ARHGAP44: variants seen among roughly 807,000 people sequenced by gnomAD.
The protein encoded by ARHGAP44 is rho GTPase-activating protein 44.
In ARHGAP44, 43 loss-of-function variants were observed where a neutral mutation model predicts 106.8. The ratio of observed to expected loss-of-function variants is 0.40; its 90% CI spans 0.32 to 0.52. The LOEUF (loss-of-function observed/expected upper bound fraction) is 0.52, where lower values mean the gene tolerates loss of function less well. Among genes scored for constraint, ARHGAP44 ranks in the 20% least tolerant of loss-of-function variants. The pLI, the probability that ARHGAP44 is intolerant of heterozygous loss-of-function variation, is 0.48. For missense variants in ARHGAP44, 866 were observed against 1,050.5 expected (o/e 0.82, Z 2.43); for synonymous variants, 439 against 410.3 (o/e 1.07, Z -0.85).
Position 12,949,583 on chromosome 17 carries a change from C to T in ARHGAP44, c.974-66C>T. 1 of 1,478,866 alleles carries T rather than the reference C, an allele frequency of 6.8e-7. No homozygotes were observed. The highest frequency in any genetic ancestry group is 2.3e-5 in the East Asian group (1 of 44,252). The allele number at this position is 1,478,866 out of a possible 1,614,324, so 91.6% of individuals were successfully genotyped here. A position where few individuals can be genotyped will look rare whatever the true frequency, so the allele number is the denominator to read the frequency against. On this transcript the variant is annotated intron_variant, in intron 11 of 20. Transcript: ENST00000379672. The surrounding 1 kb of genome is among the most constrained non-coding windows in gnomAD (Gnocchi z 4.1). Reference sequence around the variant, plus strand: ...CCAGATGGAACCCACATAGGCAGTGCTGGCTGGTGGGTCTTGCCTCTGCCA... The same window carrying T: ...CCAGATGGAACCCACATAGGCAGTGTTGGCTGGTGGGTCTTGCCTCTGCCA...
intron 1 of ARHGAP44, among the ~76,000 whole-genome samples, chr17:12,829,551 T>C (rs1225533693): frequency 2.0e-5 from 3 of 152,186 alleles, no homozygotes; most frequent in African/African-American, 7.2e-5. Context: ...CAATTGTACA[T>C]AGAACCCAGC....
At chr17:12,942,426 G>A (rs568985924) in intron 8 of ARHGAP44, among the ~76,000 whole-genome samples, 2 of 152,300 alleles carry the variant, frequency 1.3e-5, no homozygotes, top group African/African-American at 4.8e-5. Context: ...GATTATAGGC[G>A]TGAGCCACCG....
chr17:12,909,100 T>C (rs2037646597), intron 4 of ARHGAP44, 127 bp downstream of exon 4: 2 of 773,850 alleles, frequency 2.6e-6, no homozygotes, highest in South Asian at 2.0e-5. Flanking sequence ...AAAAGGAAAA[T>C]GTTACCAGTA....
At position 12,955,852 on chromosome 17, in the gene ARHGAP44, C is replaced by G. The variant is rs1204761011; in HGVS notation, c.1137-15C>G. 2 of 1,574,316 alleles carry G rather than the reference C, an allele frequency of 1.3e-6. No individual in the cohort carries two copies. Among genetic ancestry groups the G allele is most frequent in the Admixed American group, 1.7e-5 (1 of 58,576 alleles). ...TGAGCCTTGGTTAAACCTGGCCCTT[C>G]TAATTTTCTTTTAGATACTTGATAA... is the stretch of plus-strand genomic sequence containing the variant. On this transcript the variant is annotated splice_polypyrimidine_tract_variant and intron_variant, in intron 13 of 20. Transcript: ENST00000379672.
At chr17:12,987,216 C>G in intron 20 of ARHGAP44, 3 of 1,402,076 alleles carry the variant, frequency 2.1e-6, no homozygotes, top group Non-Finnish European at 2.9e-6. Flanking sequence ...CCCGCTCCTC[C>G]CCTCCGCTCC....
In ARHGAP44 at chr17:12,973,095, G is replaced by A; in HGVS notation, c.1524-207G>A. 7.1e-6 allele frequency: 4 copies of A among 562,920 alleles called. No individual in the cohort carries two copies. The Admixed American group carries it at 1.3e-4, about 18-fold the overall frequency. 34.9% of individuals were successfully genotyped at this position (562,920 alleles called of 1,614,324 possible). A position where few individuals can be genotyped will look rare whatever the true frequency, so the allele number is the denominator to read the frequency against. On this transcript the variant is annotated intron_variant, in intron 16 of 20. Coordinates refer to ENST00000379672, the MANE Select transcript of ARHGAP44 (RefSeq NM_014859.6). ...CTTCAGCTGCTCTCTTTACCTGTGT[G>A]CATGGTAGGGTATGACTTACACTTA... is the stretch of plus-strand genomic sequence containing the variant.
intron 16 of ARHGAP44, among the ~76,000 whole-genome samples, chr17:12,962,455 T>C (rs947327067): frequency 4.6e-5 from 7 of 152,212 alleles, no homozygotes; most frequent in Non-Finnish European, 1.0e-4. Flanking sequence ...TATTTCCTTA[T>C]TTTGGAAAAA....
In ARHGAP44 at chr17:12,901,440, C is replaced by T. The variant is rs556398831; in HGVS notation, c.198+4929C>T. ...TGTTCAAAATTGTATGAATAAAGGA[C>T]TCATGGGTGGGGCCATGGTAGAAGT... On this transcript the variant is annotated intron_variant, in intron 3 of 20. Transcript: ENST00000379672. 2.8e-4 allele frequency among the ~76,000 whole-genome samples: 43 copies of T among 152,158 alleles called. 1 individual carries two copies. The highest frequency in any genetic ancestry group is 1.0e-3 in the African/African-American group (43 of 41,510).
At chr17:12,845,186 A>G (rs2035527239) in intron 1 of ARHGAP44, among the ~76,000 whole-genome samples, 1 of 150,216 alleles carries the variant, frequency 6.7e-6, no homozygotes, top group South Asian at 2.1e-4. Context: ...TTGTCACTTT[A>G]TGACATTCTG....
chr17:12,865,335 G>C (rs1357343033), intron 1 of ARHGAP44, among the ~76,000 whole-genome samples: 1 of 151,962 alleles, frequency 6.6e-6, no homozygotes, highest in African/African-American at 2.4e-5. Flanking sequence ...TTTTTTGTTT[G>C]CAAGTTTGAC....
chr17:12,835,741 A>G (rs748315467), intron 1 of ARHGAP44, among the ~76,000 whole-genome samples: 11 of 152,102 alleles, frequency 7.2e-5, no homozygotes, highest in Non-Finnish European at 1.3e-4. Context: ...ATAGATCTCC[A>G]GAACTTTTTC....
chr17:12,796,691 G>C (rs1456957195), intron 1 of ARHGAP44, among the ~76,000 whole-genome samples: 3 of 151,756 alleles, frequency 2.0e-5, no homozygotes, highest in African/African-American at 7.3e-5. Flanking sequence ...CTGCCTCCCG[G>C]ATTCATGCCA....
chr17:12,929,200 C>T, intron 7 of ARHGAP44, 154 bp downstream of exon 7: 2 of 609,030 alleles, frequency 3.3e-6, no homozygotes, highest in East Asian at 3.0e-5. Context: ...CCAAGGAGTC[C>T]AGGATGAACC....
intron 1 of ARHGAP44, among the ~76,000 whole-genome samples, chr17:12,791,474 C>T (rs1384325368): frequency 6.6e-6 from 1 of 152,180 alleles, no homozygotes. Flanking sequence ...CCAGGAGGCC[C>T]CTGACACTAG....
chr17:12,864,246 C>G (rs763295508), intron 1 of ARHGAP44, among the ~76,000 whole-genome samples: 1 of 152,202 alleles, frequency 6.6e-6, no homozygotes. Flanking sequence ...GCCAGAGATG[C>G]GACAGTGCTA....
At chr17:12,842,040 A>T (rs777300782) in intron 1 of ARHGAP44, among the ~76,000 whole-genome samples, 1 of 152,080 alleles carries the variant, frequency 6.6e-6, no homozygotes, top group Non-Finnish European at 1.5e-5. Flanking sequence ...TACAGACAGC[A>T]GTGTTATGCA....
chr17:12,832,342 ATT>A (rs1433271055), intron 1 of ARHGAP44, among the ~76,000 whole-genome samples: 1 of 152,128 alleles, frequency 6.6e-6, no homozygotes, highest in Non-Finnish European at 1.5e-5. Flanking sequence ...AGATGAGCCA[ATT>A]TATTGATCTG....
chr17:12,919,980 A>C (rs1284877147), intron 6 of ARHGAP44, 149 bp downstream of exon 6: 3 of 632,658 alleles, frequency 4.7e-6, no homozygotes, highest in East Asian at 5.7e-5. Flanking sequence ...AGTCACAGTG[A>C]ACTCGAGACA....
At chr17:12,836,200 G>T (rs1043291871) in intron 1 of ARHGAP44, among the ~76,000 whole-genome samples, 2 of 152,120 alleles carry the variant, frequency 1.3e-5, no homozygotes, top group African/African-American at 4.8e-5. Context: ...TGTAGATAAG[G>T]ACAGAAATGC....
Sources: gnomAD v4.1 joint callset for allele counts (sites outside exome capture counted in the v4.1 genomes callset) on GRCh38, gnomAD v4.1.1 for gene constraint, Gnocchi (gnomAD v3.1) non-coding constraint, MANE v1.5 for transcripts, NCBI Gene and HGNC (gene_info 2026-07-23, HGNC 2026-07-21) for gene names.